The following SPRR2F variants were observed in gnomAD, a reference collection of about 807,000 sequenced individuals.
The protein encoded by SPRR2F is small proline-rich protein 2F.
A neutral mutation model predicts 0.8 loss-of-function variants in SPRR2F; 2 were observed. The observed-to-expected ratio is 2.52, with a 90% CI of 1.03 to 7.95. The LOEUF (loss-of-function observed/expected upper bound fraction) is 7.95. Among genes scored for constraint, SPRR2F ranks in the 30% most tolerant of loss-of-function variants. The pLI, the probability that SPRR2F is intolerant of heterozygous loss-of-function variation, is 0.04. For missense variants in SPRR2F, 80 were observed against 85.8 expected (o/e 0.93, Z 0.27); for synonymous variants, 39 against 33.4 (o/e 1.17, Z -0.58).
chr1:153,117,440 A>G (rs140520972), upstream of SPRR2F, among the ~76,000 whole-genome samples: 7 of 152,208 alleles, frequency 4.6e-5, no homozygotes, highest in African/African-American at 1.7e-4. Context: ...ATAAAAATAT[A>G]TAATGTAATC....
chr1:153,119,135 T>C, the SPRR2F span, among the ~76,000 whole-genome samples: 2 of 152,218 alleles, frequency 1.3e-5, no homozygotes, highest in Non-Finnish European at 2.9e-5. Flanking sequence ...AAAAAGTTTT[T>C]CTACAAGGAT....
upstream of SPRR2F, among the ~76,000 whole-genome samples, chr1:153,115,576 C>A (rs1224849703): frequency 1.3e-5 from 2 of 152,076 alleles, no homozygotes; most frequent in African/African-American, 4.8e-5. Flanking sequence ...TTCTCACAGA[C>A]CAGCTACATG....
chr1:153,118,217 G>A (rs1571011337), upstream of SPRR2F, among the ~76,000 whole-genome samples: 1 of 152,162 alleles, frequency 6.6e-6, no homozygotes, highest in East Asian at 1.9e-4. Flanking sequence ...GTGGAATACT[G>A]TACAGTGACA....
At chr1:153,118,424 C>A (rs1423996575), upstream of SPRR2F, among the ~76,000 whole-genome samples, 1 of 152,016 alleles carries the variant, frequency 6.6e-6, no homozygotes, top group Non-Finnish European at 1.5e-5. Context: ...CACGGAGGCA[C>A]ATTATAATCA....
At chr1:153,113,786 G>A (rs1655655305), upstream of SPRR2F, among the ~76,000 whole-genome samples, 1 of 152,018 alleles carries the variant, frequency 6.6e-6, no homozygotes, top group African/African-American at 2.4e-5. Context: ...CTAACTGGTG[G>A]TCAAGGGCTC....
chr1:153,112,781 G>A (rs745455787), intron 1 of SPRR2F, 29 bp from the exon 2 acceptor site: 185 of 1,608,378 alleles, frequency 1.2e-4, no homozygotes, highest in Non-Finnish European at 1.4e-4. Flanking sequence ...CAGTGTTCAC[G>A]GGAAGGGAAT....
chr1:153,114,089 A>ATACTTACC (rs1655668703), upstream of SPRR2F, among the ~76,000 whole-genome samples: 1 of 139,858 alleles, frequency 7.2e-6, no homozygotes, highest in Non-Finnish European at 1.5e-5. Context: ...GGGGAGAATC[A>ATACTTACC]TACTTACCTC....
upstream of SPRR2F, among the ~76,000 whole-genome samples, chr1:153,115,135 T>G (rs1202033686): frequency 6.6e-6 from 1 of 152,066 alleles, no homozygotes; most frequent in African/African-American, 2.4e-5. Context: ...TGGGGCAAGA[T>G]CACTACTGGC....
chr1:153,116,549 C>T (rs1655724985), upstream of SPRR2F, among the ~76,000 whole-genome samples: 2 of 152,076 alleles, frequency 1.3e-5, no homozygotes, highest in Admixed American at 1.3e-4. Flanking sequence ...GCATCTCTGG[C>T]CAAACACCAA....
chr1:153,118,717 A>T, the SPRR2F span, among the ~76,000 whole-genome samples: 1 of 152,214 alleles, frequency 6.6e-6, no homozygotes, highest in Non-Finnish European at 1.5e-5. Context: ...AATGATAAAG[A>T]GAGCCTTTTG....
chr1:153,118,336 T>C (rs1037813004), upstream of SPRR2F, among the ~76,000 whole-genome samples: 1 of 152,092 alleles, frequency 6.6e-6, no homozygotes, highest in Non-Finnish European at 1.5e-5. Context: ...GTTCCATATA[T>C]GTGACTTCAG....
At chr1:153,114,335 T>C (rs761155859), upstream of SPRR2F, among the ~76,000 whole-genome samples, 6 of 152,150 alleles carry the variant, frequency 3.9e-5, no homozygotes, top group Non-Finnish European at 8.8e-5. Context: ...GGATGTATAC[T>C]AGCGCCTTTT....
upstream of SPRR2F, among the ~76,000 whole-genome samples, chr1:153,115,239 C>T (rs55676349): frequency 0.053 from 7,998 of 152,234 alleles, 653 homozygotes; most frequent in East Asian, 0.36. Context: ...CAGACTATTA[C>T]GCATGCTAAG....
At chr1:153,114,981 G>A (rs530117834), upstream of SPRR2F, among the ~76,000 whole-genome samples, 5 of 152,312 alleles carry the variant, frequency 3.3e-5, no homozygotes, top group South Asian at 1.0e-3. Context: ...GGAAGAGGAA[G>A]AGGAAAGACT....
chr1:153,115,026 G>A (rs1233996565), upstream of SPRR2F, among the ~76,000 whole-genome samples: 1 of 152,192 alleles, frequency 6.6e-6, no homozygotes, highest in East Asian at 1.9e-4. Context: ...CTATGCTCCA[G>A]GAAGGGTAGG....
At chr1:153,114,400 A>G (rs2101632175), upstream of SPRR2F, among the ~76,000 whole-genome samples, 1 of 152,310 alleles carries the variant, frequency 6.6e-6, no homozygotes, top group Non-Finnish European at 1.5e-5. Context: ...GAGACATGAA[A>G]CAAAATTACA....
intron 1 of SPRR2F, among the ~76,000 whole-genome samples, chr1:153,113,055 C>T (rs1233482782): frequency 6.6e-6 from 1 of 151,930 alleles, no homozygotes; most frequent in Non-Finnish European, 1.5e-5. Flanking sequence ...GTTCAGATAC[C>T]CAGGGCTATC....
At chr1:153,114,339 G>A (rs74405231), upstream of SPRR2F, among the ~76,000 whole-genome samples, 1,066 of 152,122 alleles carry the variant, frequency 7.0e-3, 29 homozygotes, top group East Asian at 0.075. Context: ...GTATACTAGC[G>A]CCTTTTTATT....
chr1:153,114,708 C>A (rs1332590370), upstream of SPRR2F, among the ~76,000 whole-genome samples: 7 of 152,140 alleles, frequency 4.6e-5, no homozygotes, highest in African/African-American at 7.2e-5. Context: ...AGTCTCATGA[C>A]CTGCTAGATT....
Sources: allele counts gnomAD v4.1 joint callset (sites outside exome capture counted in the v4.1 genomes callset), GRCh38; gene constraint gnomAD v4.1.1; transcripts MANE v1.5; gene names NCBI Gene and HGNC (gene_info 2026-07-23, HGNC 2026-07-21).